MGST1: variants seen among roughly 807,000 people sequenced by gnomAD.
MGST1 encodes the protein glutathione S-transferase 12.
MGST1 carries 5 observed loss-of-function variants against 8.9 expected under a neutral mutation model. The ratio of observed to expected loss-of-function variants is 0.56; its 90% confidence interval spans 0.29 to 1.19. MGST1 has a LOEUF of 1.19. MGST1 is among the 50% of genes most tolerant of loss of function. The pLI is 0.08. For missense variants in MGST1, 182 were observed against 187.4 expected (o/e 0.97, Z 0.17); for synonymous variants, 54 against 67.8 (o/e 0.80, Z 1.00).
At chr12:16,357,783 G>A in intron 3 of MGST1, 84 bp downstream of exon 3, 4 of 1,088,190 alleles carry the variant, frequency 3.7e-6, no homozygotes, top group Admixed American at 2.4e-5. Context: ...GGGTCTTGGA[G>A]ACTGAGGAAA....
intron 4 of MGST1, among the ~76,000 whole-genome samples, chr12:16,567,142 G>A (rs1344440468): frequency 6.6e-6 from 1 of 152,130 alleles, no homozygotes; most frequent in African/African-American, 2.4e-5. Context: ...GTTGCAGTGA[G>A]CTGAGATCGT....
intron 4 of MGST1, among the ~76,000 whole-genome samples, chr12:16,541,262 C>G (rs117773112): frequency 0.038 from 5,728 of 151,740 alleles, 172 homozygotes; most frequent in South Asian, 0.057. Flanking sequence ...TCCCTGCAAA[C>G]AGAGGAAAAA....
At chr12:16,564,586 T>C (rs1942525050) in intron 4 of MGST1, among the ~76,000 whole-genome samples, 1 of 152,198 alleles carries the variant, frequency 6.6e-6, no homozygotes, top group African/African-American at 2.4e-5. Flanking sequence ...CACCAGATGT[T>C]TCTATAGATT....
chr12:16,480,883 C>T (rs942726011), intron 4 of MGST1, among the ~76,000 whole-genome samples: 1 of 152,122 alleles, frequency 6.6e-6, no homozygotes, highest in African/African-American at 2.4e-5. Context: ...TTCTGGGCAA[C>T]ATAGCCAGAG....
intron 1 of MGST1, chr12:16,400,857 G>A (rs993818891): frequency 9.3e-6 from 11 of 1,183,926 alleles, no homozygotes; most frequent in Non-Finnish European, 1.4e-5. Context: ...TCCCCAATAT[G>A]TGGTTCCTTA....
At chr12:16,457,277 T>G (rs1252319831) in intron 4 of MGST1, among the ~76,000 whole-genome samples, 1 of 152,000 alleles carries the variant, frequency 6.6e-6, no homozygotes, top group African/African-American at 2.4e-5. Context: ...ACATGTACAT[T>G]ACATTTATAT....
intron 1 of MGST1, among the ~76,000 whole-genome samples, chr12:16,391,574 G>C (rs1260279391): frequency 6.6e-6 from 1 of 152,044 alleles, no homozygotes; most frequent in Non-Finnish European, 1.5e-5. Flanking sequence ...TGATGCCTTT[G>C]CCCACTTCTT....
rs77915244 is a variant in MGST1, at chr12:16,539,343, G to A, written n.483-50185G>A. Among the ~76,000 whole-genome samples, 20 of 151,926 alleles carry A rather than the reference G, an allele frequency of 1.3e-4. 1 individual carries two copies. The East Asian group carries it at 3.3e-3, about 25-fold the overall frequency. ...GAGTAATACAATTTAAAGAGTAAGG[G>A]GGTATTACATTTACCACCCAGGTAC... On this transcript the variant is annotated intron_variant and non_coding_transcript_variant, in intron 4 of 4. Transcript: ENST00000538857.
At chr12:16,479,139 A>G (rs1364799091) in intron 4 of MGST1, among the ~76,000 whole-genome samples, 3 of 151,942 alleles carry the variant, frequency 2.0e-5, no homozygotes, top group South Asian at 2.1e-4. Flanking sequence ...TCTACTATAC[A>G]TATTAAAGTA....
intron 1 of MGST1, among the ~76,000 whole-genome samples, chr12:16,406,428 G>A (rs1007450221): frequency 1.3e-5 from 2 of 152,104 alleles, no homozygotes; most frequent in African/African-American, 2.4e-5. Context: ...CAAACAAATG[G>A]AAAAACATTC....
At chr12:16,416,623 T>A (rs553835685) in intron 1 of MGST1, among the ~76,000 whole-genome samples, 21 of 152,222 alleles carry the variant, frequency 1.4e-4, no homozygotes, top group African/African-American at 4.1e-4. Context: ...TCCATCTTTA[T>A]CTAATTACCT....
chr12:16,552,770 G>A (rs1009450633), intron 4 of MGST1, among the ~76,000 whole-genome samples: 2 of 152,028 alleles, frequency 1.3e-5, no homozygotes, highest in African/African-American at 4.8e-5. Context: ...TGGATACAAT[G>A]AACATTCAAG....
At chr12:16,462,845 T>G (rs1405010005) in intron 4 of MGST1, among the ~76,000 whole-genome samples, 3 of 152,164 alleles carry the variant, frequency 2.0e-5, no homozygotes, top group Non-Finnish European at 4.4e-5. Context: ...AGCTACAGGT[T>G]TGGCGTTGTT....
intron 4 of MGST1, among the ~76,000 whole-genome samples, chr12:16,466,147 GT>G (rs561682271): frequency 6.6e-6 from 1 of 152,130 alleles, no homozygotes; most frequent in Non-Finnish European, 1.5e-5. Context: ...ACAGCCATAA[GT>G]TTTTTTAGAG....
intron 4 of MGST1, among the ~76,000 whole-genome samples, chr12:16,564,503 A>G (rs1942521536): frequency 6.6e-6 from 1 of 152,220 alleles, no homozygotes; most frequent in African/African-American, 2.4e-5. Flanking sequence ...TAACATAGCA[A>G]TAATGAATGT....
At chr12:16,455,039 T>C (rs1941162250) in intron 4 of MGST1, among the ~76,000 whole-genome samples, 2 of 151,900 alleles carry the variant, frequency 1.3e-5, no homozygotes, top group South Asian at 4.1e-4. Flanking sequence ...GTATCATTAG[T>C]ACCTAATCTG....
Position 16,364,332 on chromosome 12 carries a change from T to C in MGST1, c.*291T>C. 1 of 1,053,928 alleles carries C rather than the reference T, an allele frequency of 9.5e-7. No individual in the cohort carries two copies. Among genetic ancestry groups the C allele is most frequent in the Non-Finnish European group, 1.1e-6 (1 of 874,002 alleles). The allele number at this position is 1,053,928 out of a possible 1,614,324, so 65.3% of individuals were successfully genotyped here. A position where few individuals can be genotyped will look rare whatever the true frequency, so the allele number is the denominator to read the frequency against. ...TCACACAACACCTCACTTTTGAATC[T>C]ATAAAAGAATTGCACGTATGAGAAA... On this transcript the variant is annotated 3_prime_UTR_variant, in exon 4 of 4. Transcript: ENST00000396210. This position sits in a 1 kb window ranked among gnomAD's most constrained non-coding sequence, Gnocchi z 5.7.
intron 1 of MGST1, among the ~76,000 whole-genome samples, chr12:16,427,945 A>C (rs1311680023): frequency 6.6e-6 from 1 of 151,818 alleles, no homozygotes; most frequent in Non-Finnish European, 1.5e-5. Flanking sequence ...ATTTAATCTT[A>C]TATTTCTCTT....
intron 4 of MGST1, among the ~76,000 whole-genome samples, chr12:16,509,824 T>C (rs1591748038): frequency 6.6e-6 from 1 of 152,134 alleles, no homozygotes; most frequent in Non-Finnish European, 1.5e-5. Context: ...ATTTCTCAAT[T>C]TGGATACGTT....
Sources: gnomAD v4.1 joint callset for allele counts (sites outside exome capture counted in the v4.1 genomes callset) on GRCh38, gnomAD v4.1.1 for gene constraint, Gnocchi (gnomAD v3.1) non-coding constraint, MANE v1.5 for transcripts, NCBI Gene and HGNC (gene_info 2026-07-23, HGNC 2026-07-21) for gene names.